The following HIVEP2 variants were observed in gnomAD, a reference collection of about 807,000 sequenced individuals.
HIVEP2 encodes the protein HIVEP zinc finger 2.
HIVEP2 carries 14 observed loss-of-function variants against 180.7 expected under a neutral mutation model. The ratio of observed to expected loss-of-function variants is 0.08; its 90% CI spans 0.05 to 0.12. The LOEUF (loss-of-function observed/expected upper bound fraction) is 0.12, where lower values mean the gene tolerates loss of function less well. Among genes scored for constraint, HIVEP2 ranks in the 10% least tolerant of loss-of-function variants. HIVEP2 has a pLI of 1.00. For missense variants in HIVEP2, 2,579 were observed against 3,008.5 expected, an observed-to-expected ratio of 0.86 and a Z score of 3.34; for synonymous variants, 1,184 against 1,136.4, an observed-to-expected ratio of 1.04 and a Z score of -0.84.
chr6:142,860,728 T>C (rs190451677), intron 1 of HIVEP2, among the ~76,000 whole-genome samples: 9 of 152,286 alleles, frequency 5.9e-5, no homozygotes, highest in African/African-American at 1.7e-4. Flanking sequence ...CAAGTGGTAA[T>C]GCTCGCTCAC....
chr6:142,869,919 C>G (rs186324102), intron 1 of HIVEP2, among the ~76,000 whole-genome samples: 4 of 152,150 alleles, frequency 2.6e-5, no homozygotes, highest in Admixed American at 6.5e-5. Flanking sequence ...TCCTTCTTAG[C>G]AAAAAGAGAA....
intron 1 of HIVEP2, among the ~76,000 whole-genome samples, chr6:142,843,856 T>C (rs1307572089): frequency 1.3e-5 from 2 of 152,224 alleles, no homozygotes; most frequent in African/African-American, 4.8e-5. Context: ...TTTGTACATA[T>C]ATTTATGCAT....
intron 9 of HIVEP2, among the ~76,000 whole-genome samples, chr6:142,757,834 A>C (rs1417662589): frequency 6.6e-6 from 1 of 152,236 alleles, no homozygotes; most frequent in East Asian, 1.9e-4. Flanking sequence ...TCCTTTGCCT[A>C]ACTTGACTGT....
chr6:142,918,683 T>C (rs1013762355), intron 1 of HIVEP2, among the ~76,000 whole-genome samples: 1 of 152,212 alleles, frequency 6.6e-6, no homozygotes, highest in East Asian at 1.9e-4. Context: ...AAAAACATAA[T>C]GTTCTTTCAC....
intron 1 of HIVEP2, among the ~76,000 whole-genome samples, chr6:142,868,077 A>C (rs954533052): frequency 1.3e-5 from 2 of 152,166 alleles, no homozygotes; most frequent in African/African-American, 4.8e-5. Flanking sequence ...ATCACATTGC[A>C]AGTCAGCTGT....
At chr6:142,801,191 CA>C (rs10717703) in intron 2 of HIVEP2, among the ~76,000 whole-genome samples, 42,542 of 86,930 alleles carry the variant, frequency 0.49, 6,826 homozygotes, top group South Asian at 0.57. Context: ...TGGCCAGTGT[CA>C]AAAAAAAAAA....
At position 142,763,738 on chromosome 6, in the gene HIVEP2, G is replaced by C. The variant is rs140035250; in HGVS notation, c.5518+1061C>G. Among the ~76,000 whole-genome samples, 842 of 152,294 alleles carry C rather than the reference G, an allele frequency of 5.5e-3. 5 individuals are homozygous for C. Among genetic ancestry groups the C allele is most frequent in the Middle Eastern group, 6.8e-3 (2 of 294 alleles). On this transcript the variant is annotated intron_variant, in intron 7 of 9. Transcript: ENST00000367603. ...TCTGTATAAAAGGCTTGATTGTGCA[G>C]AGGTGAGTGGTATTTAAAAGGCCAT...
intron 1 of HIVEP2, among the ~76,000 whole-genome samples, chr6:142,868,137 T>C (rs1375786163): frequency 6.6e-6 from 1 of 152,158 alleles, no homozygotes; most frequent in Non-Finnish European, 1.5e-5. Context: ...ACAATAGTTA[T>C]CCTACCGGGC....
In HIVEP2 at chr6:142,769,958, A is replaced by T. The variant is rs1775480757; in HGVS notation, c.4781T>A (p.Leu1594Gln). ...SSSLPAGDGQ[L>Q]EEEGKGHKRP... ...CTTGTGGCCCTTCCCTTCCTCTTCC[A>T]GCTGACCATCTCCTGCTGGTAATGA... Residue 1594 changes from leucine to glutamine, a missense_variant, in exon 5 of 10, where the codon CTG becomes CAG. Transcript: ENST00000367603. The T allele has an allele frequency of 6.2e-7, 1 of 1,614,054 alleles. No individual in the cohort carries two copies. Among genetic ancestry groups the T allele is most frequent in the Non-Finnish European group, 8.5e-7 (1 of 1,180,038 alleles).
chr6:142,942,284 T>G (rs1287821329), intron 1 of HIVEP2, among the ~76,000 whole-genome samples: 1 of 107,524 alleles, frequency 9.3e-6, no homozygotes, highest in Non-Finnish European at 2.0e-5. Flanking sequence ...GCTGTTAAAA[T>G]GAGCCCTGCT....
intron 1 of HIVEP2, among the ~76,000 whole-genome samples, chr6:142,942,350 A>G (rs1245261276): frequency 2.0e-5 from 3 of 152,164 alleles, no homozygotes; most frequent in African/African-American, 4.8e-5. Context: ...AAATTAAATC[A>G]GCATAAAAGA....
At chr6:142,912,484 C>T (rs1414033955) in intron 1 of HIVEP2, among the ~76,000 whole-genome samples, 1 of 152,182 alleles carries the variant, frequency 6.6e-6, no homozygotes, top group Non-Finnish European at 1.5e-5. Context: ...TTGATAGCTA[C>T]GTGCACATCC....
intron 1 of HIVEP2, among the ~76,000 whole-genome samples, chr6:142,902,328 A>C (rs1488364578): frequency 1.3e-5 from 2 of 150,922 alleles, no homozygotes; most frequent in Admixed American, 6.6e-5. Flanking sequence ...TGCCCCCAAA[A>C]CCCATAAGCC....
At chr6:142,760,948 T>C (rs1385553442) in intron 8 of HIVEP2, among the ~76,000 whole-genome samples, 1 of 152,156 alleles carries the variant, frequency 6.6e-6, no homozygotes, top group Non-Finnish European at 1.5e-5. Context: ...CCTCAACAAA[T>C]GAGCATGGAT....
chr6:142,852,628 C>A (rs981735705), intron 1 of HIVEP2, among the ~76,000 whole-genome samples: 26 of 152,254 alleles, frequency 1.7e-4, no homozygotes, highest in Admixed American at 1.6e-3. Context: ...TTCAACAACT[C>A]CCAGATGTCT....
intron 3 of HIVEP2, among the ~76,000 whole-genome samples, chr6:142,777,668 A>G (rs1775738072): frequency 6.8e-6 from 1 of 147,482 alleles, no homozygotes; most frequent in Non-Finnish European, 1.5e-5. Flanking sequence ...AAAAAAAAAA[A>G]AAAAAAAAAA....
chr6:142,759,353 A>C (rs1775160685), intron 9 of HIVEP2, among the ~76,000 whole-genome samples: 1 of 152,156 alleles, frequency 6.6e-6, no homozygotes, highest in Non-Finnish European at 1.5e-5. Context: ...TTGGAAAGTC[A>C]AGGTTAACAG....
chr6:142,873,250 C>T (rs1776341468), intron 1 of HIVEP2, among the ~76,000 whole-genome samples: 1 of 152,120 alleles, frequency 6.6e-6, no homozygotes, highest in African/African-American at 2.4e-5. Flanking sequence ...TATATCTACT[C>T]ACTAGAAAAA....
At chr6:142,830,608 A>T (rs145960263) in intron 2 of HIVEP2, among the ~76,000 whole-genome samples, 610 of 152,316 alleles carry the variant, frequency 4.0e-3, no homozygotes, top group African/African-American at 0.014. Flanking sequence ...GAAGTCTTCC[A>T]GTGAATTCCT....
Sources: allele counts gnomAD v4.1 joint callset (sites outside exome capture counted in the v4.1 genomes callset), GRCh38; gene constraint gnomAD v4.1.1; transcripts MANE v1.5; gene names NCBI Gene and HGNC (gene_info 2026-07-23, HGNC 2026-07-21).